The following TSPEAR variants were observed in gnomAD, a reference collection of about 807,000 sequenced individuals.
TSPEAR encodes thrombospondin-type laminin G domain and EAR repeat-containing protein.
TSPEAR carries 69 observed loss-of-function variants against 71.6 expected under a neutral mutation model. That is an observed-to-expected ratio of 0.96 (90% CI 0.79 to 1.18). The LOEUF (loss-of-function observed/expected upper bound fraction) is 1.18, where lower values mean the gene tolerates loss of function less well. Among genes scored for constraint, TSPEAR ranks in the 50% most tolerant of loss-of-function variants. TSPEAR has a pLI of 0.00. For missense variants in TSPEAR, 971 were observed against 894.9 expected (o/e 1.09, Z -1.09); for synonymous variants, 402 against 387.2 (o/e 1.04, Z -0.45).
At chr21:44,508,736 C>G in intron 10 of TSPEAR, 1 of 1,254,510 alleles carries the variant, frequency 8.0e-7, no homozygotes, top group Non-Finnish European at 1.0e-6. Flanking sequence ...GGCCAGTCTC[C>G]GTGTCCTGGT....
intron 1 of TSPEAR, among the ~76,000 whole-genome samples, chr21:44,615,684 A>G (rs8129097): frequency 0.067 from 10,209 of 151,710 alleles, 1,046 homozygotes; most frequent in African/African-American, 0.22. Context: ...CCGCCTGCCC[A>G]CAGCGAGTGC....
chr21:44,511,370 A>ACAGG (rs377561823), intron 9 of TSPEAR, among the ~76,000 whole-genome samples: 2,104 of 152,262 alleles, frequency 0.014, 58 homozygotes, highest in African/African-American at 0.048. Flanking sequence ...GTACACACAC[A>ACAGG]CATATATGCT....
intron 1 of TSPEAR, among the ~76,000 whole-genome samples, chr21:44,615,578 T>G (rs445214): frequency 0.92 from 136,226 of 148,678 alleles, 62,521 homozygotes; most frequent in Middle Eastern, 0.95. Flanking sequence ...ATTTATTCTG[T>G]TTTTTTGGAA....
At chr21:44,532,390 G>A (rs1203729336) in intron 3 of TSPEAR, among the ~76,000 whole-genome samples, 2 of 152,138 alleles carry the variant, frequency 1.3e-5, no homozygotes, top group Non-Finnish European at 2.9e-5. Flanking sequence ...CTTTCTTTAC[G>A]GGGTGGGAAG....
chr21:44,539,631 A>G (rs2053171047), intron 2 of TSPEAR: 1 of 1,613,464 alleles, frequency 6.2e-7, no homozygotes, highest in African/African-American at 1.3e-5. Context: ...GAGGAGGTGC[A>G]GCAAGCTGGA....
intron 1 of TSPEAR, among the ~76,000 whole-genome samples, chr21:44,683,472 C>T (rs1174907640): frequency 2.0e-5 from 3 of 151,334 alleles, no homozygotes; most frequent in African/African-American, 4.9e-5. Flanking sequence ...TTCAGACCAG[C>T]CTGGGCAACA....
rs539056930 is a variant in TSPEAR at position 44,703,651 on chromosome 21, C to T, written c.82+7782G>A. 6.6e-5 allele frequency among the ~76,000 whole-genome samples: 10 copies of T among 152,324 alleles called. No individual in the cohort carries two copies. In the South Asian group the frequency reaches 2.1e-3, roughly 32 times the overall value. On this transcript the variant is annotated intron_variant, in intron 1 of 11. Coordinates refer to ENST00000323084, the MANE Select transcript of TSPEAR (RefSeq NM_144991.3). ...TGCTTGTGAAGGCTAATGGCAACAC[C>T]TCTTCTGTGGCCCCAGGTCTAGCCG...
chr21:44,711,560 C>T lies in TSPEAR; in HGVS notation c.-46G>A. 2 of 1,574,206 alleles carry T rather than the reference C, an allele frequency of 1.3e-6. No individual in the cohort carries two copies. Among genetic ancestry groups the T allele is most frequent in the Non-Finnish European group, 8.6e-7 (1 of 1,156,936 alleles). On this transcript the variant is annotated 5_prime_UTR_variant, in exon 1 of 12. Transcript: ENST00000323084. The surrounding 1 kb of genome is among the most constrained non-coding windows in gnomAD (Gnocchi z 4.5). ...TCCATCCAGGGCTCCGCTCAGCCTG[C>T]AGGGAAGTGGCTGCTCCTCAGACGT...
At chr21:44,603,577 G>T (rs587697641) in intron 1 of TSPEAR, among the ~76,000 whole-genome samples, 15 of 152,340 alleles carry the variant, frequency 9.8e-5, no homozygotes, top group Middle Eastern at 3.4e-3. Context: ...AACTTCAGGG[G>T]AGGTGTGCTG....
chr21:44,646,758 T>C (rs1888528), intron 1 of TSPEAR: 87 of 1,604,256 alleles, frequency 5.4e-5, no homozygotes, highest in African/African-American at 2.4e-4. Context: ...AGGCCTGCTG[T>C]GTGCCTGTCT....
At position 44,551,346 on chromosome 21, in the gene TSPEAR, G is replaced by T. The variant is rs782297019; in HGVS notation, c.303+16439C>A. 52 of 1,613,026 alleles carry T rather than the reference G, an allele frequency of 3.2e-5. No individual in the cohort carries two copies. The East Asian group carries it at 1.0e-3, about 32-fold the overall frequency. On this transcript the variant is annotated intron_variant, in intron 2 of 11. Coordinates refer to ENST00000323084, the MANE Select transcript of TSPEAR (RefSeq NM_144991.3). ...GACCAGGGTCAGGCAGGGGGCTGGG[G>T]CACAGCAGCTGGGGGTGCCGCAGGG...
intron 1 of TSPEAR, among the ~76,000 whole-genome samples, chr21:44,705,065 C>T (rs1987846255): frequency 6.6e-6 from 1 of 152,178 alleles, no homozygotes; most frequent in Admixed American, 6.5e-5. Flanking sequence ...CCGGCTGAAA[C>T]CATGGCAGAA....
rs1011361039 is a variant in TSPEAR at position 44,623,009 on chromosome 21, A to G, written c.83-55004T>C. On this transcript the variant is annotated intron_variant, in intron 1 of 11. Transcript: ENST00000323084. This position sits in a 1 kb window ranked among gnomAD's most constrained non-coding sequence, Gnocchi z 4.5. ...TCTTGCTACTCTTTTGCCATGTGACATGCCCACTCCCCCTTCACCTTCCAC... is the reference window on the plus strand; with the variant it reads ...TCTTGCTACTCTTTTGCCATGTGACGTGCCCACTCCCCCTTCACCTTCCAC... 6.6e-6 allele frequency among the ~76,000 whole-genome samples: 1 copy of G among 152,058 alleles called. No individual in the cohort carries two copies. The highest frequency in any genetic ancestry group is 1.5e-5 in the Non-Finnish European group (1 of 68,026).
intron 1 of TSPEAR, chr21:44,697,567 C>T (rs781973731): frequency 1.5e-5 from 24 of 1,613,776 alleles, no homozygotes; most frequent in Non-Finnish European, 1.9e-5. Flanking sequence ...GCTGTATGCC[C>T]GTCTGCTGTG....
In TSPEAR at chr21:44,612,744, C is replaced by T; in HGVS notation, c.83-44739G>A. 2 of 1,613,818 alleles carry T rather than the reference C, an allele frequency of 1.2e-6. No individual in the cohort carries two copies. Among genetic ancestry groups the T allele is most frequent in the South Asian group, 2.2e-5 (2 of 91,054 alleles). On this transcript the variant is annotated intron_variant, in intron 1 of 11. Coordinates refer to ENST00000323084, the MANE Select transcript of TSPEAR (RefSeq NM_144991.3). This position sits in a 1 kb window ranked among gnomAD's most constrained non-coding sequence, Gnocchi z 4.1. ...TCCTCCGTGTCCCTCCTCTGCCGCC[C>T]TGTGTGCCGGCCTGCCTGCTGTGTG... is the stretch of plus-strand genomic sequence containing the variant.
In TSPEAR at chr21:44,710,532, CG is replaced by C. The variant is rs1193865741; in HGVS notation, c.82+900del. On this transcript the variant is annotated intron_variant, in intron 1 of 11. Transcript: ENST00000323084. This position sits in a 1 kb window ranked among gnomAD's most constrained non-coding sequence, Gnocchi z 4.6. ...GCCATCCGAGCAGAGAGCTGTGGCC[CG>C]GTGCCGGGGGTGGACTTCATCTATT... Among the ~76,000 whole-genome samples, 1 of 152,132 alleles carries C rather than the reference CG, an allele frequency of 6.6e-6. No homozygotes were observed. The highest frequency in any genetic ancestry group is 1.5e-5 in the Non-Finnish European group (1 of 68,022).
At chr21:44,630,418 C>A (rs1369958076) in intron 1 of TSPEAR, among the ~76,000 whole-genome samples, 2 of 152,160 alleles carry the variant, frequency 1.3e-5, no homozygotes, top group African/African-American at 4.8e-5. Flanking sequence ...GTTGAGAAAA[C>A]AATGGACACC....
At chr21:44,649,409 G>T (rs1234286169) in intron 1 of TSPEAR, among the ~76,000 whole-genome samples, 1 of 152,192 alleles carries the variant, frequency 6.6e-6, no homozygotes, top group African/African-American at 2.4e-5. Flanking sequence ...AGCAGGAGGG[G>T]TACACTGGCT....
At chr21:44,689,318 C>T (rs931255909) in intron 1 of TSPEAR, among the ~76,000 whole-genome samples, 19 of 151,946 alleles carry the variant, frequency 1.3e-4, no homozygotes, top group South Asian at 2.1e-4. Flanking sequence ...CTGGCTAACA[C>T]GGTGAAACCC....
Sources: allele counts gnomAD v4.1 joint callset (sites outside exome capture counted in the v4.1 genomes callset), GRCh38; gene constraint gnomAD v4.1.1; non-coding constraint Gnocchi (gnomAD v3.1); transcripts MANE v1.5; gene names NCBI Gene and HGNC (gene_info 2026-07-23, HGNC 2026-07-21).